Variants in EPB41L5 observed in about 807,000 individuals in gnomAD.
EPB41L5 encodes erythrocyte membrane protein band 4.1 like 5, also known as band 4.1-like protein 5.
EPB41L5 carries 55 observed loss-of-function variants against 106.6 expected under a neutral mutation model. That is an observed-to-expected ratio of 0.52 (90% confidence interval 0.42 to 0.65). The LOEUF (loss-of-function observed/expected upper bound fraction) is 0.65. EPB41L5 is among the 30% of genes least tolerant of loss of function. The pLI is 0.00. For synonymous variants in EPB41L5, 297 were observed against 306.7 expected (o/e 0.97, Z 0.33); for missense variants, 871 against 882.1 (o/e 0.99, Z 0.16).
chr2:120,127,576 G>T, intron 16 of EPB41L5, 112 bp from the exon 17 acceptor site: 2 of 776,888 alleles, frequency 2.6e-6, no homozygotes, highest in Non-Finnish European at 2.0e-6. Context: ...TTTGATTCAT[G>T]GTTGCTTGAA....
Position 120,100,293 on chromosome 2 carries a change from C to T in EPB41L5, c.1221+7C>T, listed in dbSNP as rs774933820. 6.2e-7 allele frequency: 1 copy of T among 1,611,738 alleles called. No individual in the cohort carries two copies. The highest frequency in any genetic ancestry group is 1.1e-5 in the South Asian group (1 of 90,992). On this transcript the variant is annotated splice_region_variant and intron_variant, in intron 15 of 24. Coordinates refer to ENST00000263713, the MANE Select transcript of EPB41L5 (RefSeq NM_020909.4). ...AAGTAATGGCTCCCAACAGGTAAGACAATACTAAGCTTCTAAAACACTGGA... is the reference window on the plus strand; with the variant it reads ...AAGTAATGGCTCCCAACAGGTAAGATAATACTAAGCTTCTAAAACACTGGA...
chr2:120,041,724 A>G (rs1679418571), intron 2 of EPB41L5, among the ~76,000 whole-genome samples: 1 of 152,194 alleles, frequency 6.6e-6, no homozygotes, highest in Non-Finnish European at 1.5e-5. Context: ...GAATTTATCC[A>G]TACACACACA....
chr2:120,026,508 A>G (rs1678327572), intron 2 of EPB41L5, among the ~76,000 whole-genome samples: 2 of 152,134 alleles, frequency 1.3e-5, no homozygotes, highest in South Asian at 4.1e-4. Flanking sequence ...AGCTGGGATT[A>G]CAGGCGCCTG....
chr2:120,117,790 A>G (rs1685018293), intron 16 of EPB41L5, among the ~76,000 whole-genome samples: 1 of 152,052 alleles, frequency 6.6e-6, no homozygotes, highest in Non-Finnish European at 1.5e-5. Context: ...TCAGTAGCAT[A>G]TTTGTATGTT....
chr2:120,022,177 A>T (rs1201805327), intron 2 of EPB41L5, among the ~76,000 whole-genome samples: 1 of 151,944 alleles, frequency 6.6e-6, no homozygotes, highest in Non-Finnish European at 1.5e-5. Flanking sequence ...ATAGATAACA[A>T]TTTTTTTTCC....
Position 120,178,696 on chromosome 2 carries a change from G to A in EPB41L5, c.*3789G>A, listed in dbSNP as rs1687999636. On this transcript the variant is annotated 3_prime_UTR_variant, in exon 25 of 25. Transcript: ENST00000263713. The stretch of plus-strand genomic sequence containing the variant: ...TTTGAATTATAGAAATTTGCCCTGA[G>A]CTGAACTGGGTTGTGTTAACACATT... The A allele has an allele frequency of 6.6e-6, 1 of 152,202 alleles. No individual in the cohort carries two copies. The highest frequency in any genetic ancestry group is 1.5e-5 in the Non-Finnish European group (1 of 68,038). 9.4% of individuals were successfully genotyped at this position (152,202 alleles called of 1,614,324 possible). A position where few individuals can be genotyped will look rare whatever the true frequency, so the allele number is the denominator to read the frequency against.
At chr2:120,161,741 G>T (rs1336483491) in intron 21 of EPB41L5, among the ~76,000 whole-genome samples, 1 of 152,110 alleles carries the variant, frequency 6.6e-6, no homozygotes, top group Non-Finnish European at 1.5e-5. Flanking sequence ...AACCATTGTC[G>T]CCTGAGTTCC....
chr2:120,089,006 C>T (rs1054071494), intron 11 of EPB41L5, among the ~76,000 whole-genome samples: 4 of 152,094 alleles, frequency 2.6e-5, no homozygotes, highest in African/African-American at 9.7e-5. Context: ...GTATCGTCTA[C>T]TCCTTGTTTT....
rs534332737 is a variant in EPB41L5, at chr2:120,095,786, A to T, written c.1178+2510A>T. The stretch of plus-strand genomic sequence containing the variant: ...CAGGTTCAAGCGATTCTCCTGCCTC[A>T]GCCTCCCAAGTAGCTGGGATTACAG... On this transcript the variant is annotated intron_variant, in intron 14 of 24. Coordinates refer to ENST00000263713, the MANE Select transcript of EPB41L5 (RefSeq NM_020909.4). Among the ~76,000 whole-genome samples, 9 of 152,160 alleles carry T rather than the reference A, an allele frequency of 5.9e-5. No individual in the cohort carries two copies. The East Asian group carries it at 1.7e-3, about 29-fold the overall frequency.
intron 20 of EPB41L5, among the ~76,000 whole-genome samples, chr2:120,150,699 T>A (rs535987616): frequency 6.6e-6 from 1 of 152,250 alleles, no homozygotes; most frequent in African/African-American, 2.4e-5. Flanking sequence ...TACCCATTTT[T>A]AAATTGGGTT....
At chr2:120,156,022 C>T (rs1030470355) in intron 20 of EPB41L5, among the ~76,000 whole-genome samples, 1 of 152,150 alleles carries the variant, frequency 6.6e-6, no homozygotes, top group African/African-American at 2.4e-5. Context: ...AGTGGTGGGG[C>T]AGCAAGCCAG....
At chr2:120,021,939 C>G (rs926006458) in intron 2 of EPB41L5, among the ~76,000 whole-genome samples, 1 of 151,940 alleles carries the variant, frequency 6.6e-6, no homozygotes, top group African/African-American at 2.4e-5. Context: ...ATAAGGGTCA[C>G]TAGTGATTAT....
intron 3 of EPB41L5, among the ~76,000 whole-genome samples, chr2:120,060,676 A>G (rs746385938): frequency 3.6e-4 from 55 of 152,178 alleles, no homozygotes; most frequent in Non-Finnish European, 7.9e-4. Flanking sequence ...ATAATGGAAT[A>G]TTTCTTTATC....
rs116814864 is a variant in EPB41L5 at position 120,160,937 on chromosome 2, T to A, written c.1850T>A (p.Met617Lys). 8.6e-4 allele frequency: 1,393 copies of A among 1,614,092 alleles called. 15 individuals carry two copies. In the African/African-American group the frequency reaches 0.017, roughly 20 times the overall value. Reference sequence around the variant, plus strand: ...CCCAAAGAGTCTCTTGAGACTCTGATGCTTATCACACCTGCCGACAGTGGT... The same window carrying A: ...CCCAAAGAGTCTCTTGAGACTCTGAAGCTTATCACACCTGCCGACAGTGGT... ...PLPKESLETLMLITPADSGSV... is the reference protein window; with the variant it reads ...PLPKESLETLKLITPADSGSV... The change falls in exon 21 of 25, where the codon ATG becomes AAG. Residue 617 changes from methionine to lysine, a missense_variant. Transcript: ENST00000263713.
At chr2:120,030,295 C>T (rs1257715918) in intron 2 of EPB41L5, among the ~76,000 whole-genome samples, 1 of 152,176 alleles carries the variant, frequency 6.6e-6, no homozygotes, top group Non-Finnish European at 1.5e-5. Context: ...CCTCTGGCTC[C>T]AAGAGTCTGA....
At chr2:120,083,140 C>T (rs973397693) in intron 10 of EPB41L5, among the ~76,000 whole-genome samples, 1 of 152,162 alleles carries the variant, frequency 6.6e-6, no homozygotes, top group Admixed American at 6.5e-5. Flanking sequence ...TTCCTGCCTT[C>T]TGCTAGCTTT....
intron 10 of EPB41L5, among the ~76,000 whole-genome samples, chr2:120,084,349 G>C (rs1045698843): frequency 3.3e-5 from 5 of 152,170 alleles, no homozygotes; most frequent in Non-Finnish European, 5.9e-5. Context: ...GCATTTGCTT[G>C]TCTGTAAACT....
chr2:120,163,591 G>T (rs1024033469), intron 21 of EPB41L5, among the ~76,000 whole-genome samples: 11 of 138,468 alleles, frequency 7.9e-5, no homozygotes, highest in South Asian at 2.3e-4. Flanking sequence ...CCTGTTACTG[G>T]TTTTTTTTTT....
intron 24 of EPB41L5, among the ~76,000 whole-genome samples, chr2:120,172,648 C>G (rs567636076): frequency 2.6e-5 from 4 of 152,260 alleles, no homozygotes; most frequent in African/African-American, 9.6e-5. Flanking sequence ...AAGATGTGTT[C>G]CATCTAAAGT....
Sources: allele counts gnomAD v4.1 joint callset (sites outside exome capture counted in the v4.1 genomes callset), GRCh38; gene constraint gnomAD v4.1.1; transcripts MANE v1.5; gene names NCBI Gene and HGNC (gene_info 2026-07-23, HGNC 2026-07-21).